MED10: variants seen among roughly 807,000 people sequenced by gnomAD.
MED10 encodes the protein mediator complex subunit 10.
A neutral mutation model predicts 17.2 loss-of-function variants in MED10; 9 were observed. The ratio of observed to expected loss-of-function variants is 0.52; its 90% confidence interval spans 0.31 to 0.91. The LOEUF (loss-of-function observed/expected upper bound fraction) is 0.91. MED10 is among the 40% of genes least tolerant of loss of function. MED10 has a pLI of 0.04. For missense variants in MED10, 129 were observed against 164.8 expected (o/e 0.78, Z 1.19); for synonymous variants, 66 against 59.8 (o/e 1.10, Z -0.48).
intron 1 of MED10, among the ~76,000 whole-genome samples, chr5:6,378,082 T>G (rs1012890184): frequency 2.0e-5 from 3 of 152,202 alleles, no homozygotes; most frequent in Non-Finnish European, 4.4e-5. Flanking sequence ...AGAGAAAGCA[T>G]GATTCCCTTG....
chr5:6,378,292 C>G, intron 1 of MED10, 70 bp downstream of exon 1: 1 of 1,473,900 alleles, frequency 6.8e-7, no homozygotes. Flanking sequence ...TCCCTAGATC[C>G]CCGCTCCCCT....
rs1560906181 is a variant in MED10, at chr5:6,378,500, C to CCACCCACACA, written c.-18_-17insTGTGTGGGTG. 1 of 1,608,892 alleles carries CCACCCACACA rather than the reference C, an allele frequency of 6.2e-7. No individual in the cohort carries two copies. Among genetic ancestry groups the CCACCCACACA allele is most frequent in the East Asian group, 2.2e-5 (1 of 44,714 alleles). On this transcript the variant is annotated 5_prime_UTR_variant, in exon 1 of 4. Coordinates refer to ENST00000255764, the MANE Select transcript of MED10 (RefSeq NM_032286.3). ...CTCCGCCATCGCCTCGGCCCGTCCC[C>CCACCCACACA]GACCCACACAGCCTCAACCAGCAGC...
Position 6,374,310 on chromosome 5 carries a change from C to G in MED10, c.309+14G>C, listed in dbSNP as rs577473075. On this transcript the variant is annotated intron_variant, in intron 3 of 3. Transcript: ENST00000255764. Reference sequence around the variant, plus strand: ...CTCTTCCCACTGTATTTCTGACACTCCTTAGAGTCTTACCTTCATGGTGTC... The same window carrying G: ...CTCTTCCCACTGTATTTCTGACACTGCTTAGAGTCTTACCTTCATGGTGTC... 1 of 1,581,526 alleles carries G rather than the reference C, an allele frequency of 6.3e-7. No homozygotes were observed. Among genetic ancestry groups the G allele is most frequent in the South Asian group, 1.1e-5 (1 of 90,472 alleles).
Position 6,378,378 on chromosome 5 carries a change from C to T in MED10, c.106G>A (p.Gly36Arg), listed in dbSNP as rs777875288. The change falls in exon 1 of 4, where the codon GGG becomes AGG. Residue 36 changes from glycine to arginine, a missense_variant. Gly to Arg is a moderately radical substitution (Grantham distance 125, BLOSUM62 -2). Coordinates refer to ENST00000255764, the MANE Select transcript of MED10 (RefSeq NM_032286.3). The part of the protein sequence containing the change: ...VSDFQPSSQA[G>R]LNQKLNFIVT... The stretch of plus-strand genomic sequence containing the variant: ...GCCACTCACAGCTTTTGGTTGAGCC[C>T]GGCCTGGCTGCTGGGCTGGAAGTCA... 1.9e-6 allele frequency: 3 copies of T among 1,611,436 alleles called. No homozygotes were observed. The Admixed American group carries it at 5.0e-5, about 27-fold the overall frequency.
At chr5:6,374,962 C>T (rs868852994) in intron 2 of MED10, among the ~76,000 whole-genome samples, 2 of 152,034 alleles carry the variant, frequency 1.3e-5, no homozygotes, top group Admixed American at 1.3e-4. Flanking sequence ...GCACAAGAGC[C>T]CCAGCCCTGA....
In MED10 at chr5:6,378,456, C is replaced by A; in HGVS notation, c.28G>T (p.Glu10Ter). 6.2e-7 allele frequency: 1 copy of A among 1,613,390 alleles called. No homozygotes were observed. Among genetic ancestry groups the A allele is most frequent in the Non-Finnish European group, 8.5e-7 (1 of 1,179,672 alleles). Residue 10 changes from glutamate (E) to a stop codon, truncating the protein, a stop_gained, in exon 1 of 4, where the codon GAG becomes TAG. Coordinates refer to ENST00000255764, the MANE Select transcript of MED10 (RefSeq NM_032286.3). LOFTEE classifies it high-confidence loss of function. ...TTCTCCACGAACTTCTCCAGGTGCTCCTCTAGGTGGTCAAACTTCTCCGCC... is the reference window on the plus strand; with the variant it reads ...TTCTCCACGAACTTCTCCAGGTGCTACTCTAGGTGGTCAAACTTCTCCGCC... MAEKFDHLE[E>*]HLEKFVENIR... is the part of the protein sequence containing the mutation.
In MED10 at chr5:6,374,521, A is replaced by G. The variant is rs774562576; in HGVS notation, c.207-95T>C. On this transcript the variant is annotated intron_variant, in intron 2 of 3. Coordinates refer to ENST00000255764, the MANE Select transcript of MED10 (RefSeq NM_032286.3). ...ATGGGGGAATAAAGGTTAGGTATAT[A>G]TAACTGCACACGGCCTTGTTTAGAC... The G allele has an allele frequency of 1.0e-4, 86 of 858,970 alleles. 1 individual carries two copies. The South Asian group carries it at 1.1e-3, about 11-fold the overall frequency. The allele number at this position is 858,970 out of a possible 1,614,324, so 53.2% of individuals were successfully genotyped here.
chr5:6,378,511 G>C lies in MED10; in HGVS notation c.-28C>G, dbSNP rs368585069. ...CCTCGGCCCGTCCCCGACCCACACAGCCTCAACCAGCAGCGCCGCAGGCGT... is the reference window on the plus strand; with the variant it reads ...CCTCGGCCCGTCCCCGACCCACACACCCTCAACCAGCAGCGCCGCAGGCGT... On this transcript the variant is annotated 5_prime_UTR_variant, in exon 1 of 4. Transcript: ENST00000255764. 2.5e-6 allele frequency: 4 copies of C among 1,597,632 alleles called. No homozygotes were observed. Among genetic ancestry groups the C allele is most frequent in the Admixed American group, 1.7e-5 (1 of 58,376 alleles).
chr5:6,373,927 T>G (rs1373156418), intron 3 of MED10, among the ~76,000 whole-genome samples: 1 of 152,148 alleles, frequency 6.6e-6, no homozygotes, highest in Non-Finnish European at 1.5e-5. Flanking sequence ...GGTCAGAAGC[T>G]GGACAAAGAG....
In MED10 at chr5:6,374,310, C is replaced by CCAA. The variant is rs764999298; in HGVS notation, c.309+13_309+14insTTG. The stretch of plus-strand genomic sequence containing the variant: ...CTCTTCCCACTGTATTTCTGACACT[C>CCAA]CTTAGAGTCTTACCTTCATGGTGTC... On this transcript the variant is annotated intron_variant, in intron 3 of 3. Coordinates refer to ENST00000255764, the MANE Select transcript of MED10 (RefSeq NM_032286.3). 4.4e-6 allele frequency: 7 copies of CCAA among 1,581,526 alleles called. No individual in the cohort carries two copies. In the South Asian group the frequency reaches 7.7e-5, roughly 17 times the overall value.
intron 2 of MED10, 89 bp from the exon 3 acceptor site, chr5:6,374,515 G>C (rs1737953671): frequency 1.1e-6 from 1 of 950,384 alleles, no homozygotes; most frequent in Admixed American, 1.7e-5. Flanking sequence ...TAAAGGTTAG[G>C]TATATATAAC....
At chr5:6,375,214 C>T (rs1398944319) in intron 2 of MED10, among the ~76,000 whole-genome samples, 1 of 152,148 alleles carries the variant, frequency 6.6e-6, no homozygotes, top group East Asian at 1.9e-4. Context: ...TTACCAAGAG[C>T]AGGCCACCTA....
At chr5:6,375,737 C>T (rs927622948) in intron 2 of MED10, among the ~76,000 whole-genome samples, 13 of 152,176 alleles carry the variant, frequency 8.5e-5, no homozygotes, top group Admixed American at 2.0e-4. Flanking sequence ...AAAATGTACA[C>T]GCTGCAAAGG....
chr5:6,372,533 G>T lies in MED10; in HGVS notation c.378C>A (p.Ser126Arg), dbSNP rs1301705917. 62 of 1,614,078 alleles carry T rather than the reference G, an allele frequency of 3.8e-5. No homozygotes were observed. Among genetic ancestry groups the T allele is most frequent in the Non-Finnish European group, 5.1e-5 (60 of 1,180,036 alleles). ...VFPEDMAKYR[S>R]IRGEDHPPS ...AAGGCGGGTGATCCTCCCCCCGGAT[G>T]CTTCGATACTTAGCCATGTCTTCCG... Residue 126 changes from serine to arginine, a missense_variant, in exon 4 of 4, where the codon AGC becomes AGA. Transcript: ENST00000255764.
rs573499870 is a variant in MED10 at position 6,374,488 on chromosome 5, T to C, written c.207-62A>G. The C allele has an allele frequency of 2.9e-5, 35 of 1,193,248 alleles. No individual in the cohort carries two copies. In the African/African-American group the frequency reaches 5.1e-4, roughly 17 times the overall value. The allele number at this position is 1,193,248 out of a possible 1,614,324, so 73.9% of individuals were successfully genotyped here. ...ACTGACACCTATTCTCACAGCTTTC[T>C]GAAAGGTATGGGGGAATAAAGGTTA... On this transcript the variant is annotated intron_variant, in intron 2 of 3. Transcript: ENST00000255764.
chr5:6,374,437 G>A lies in MED10; in HGVS notation c.207-11C>T, dbSNP rs201502289. On this transcript the variant is annotated splice_polypyrimidine_tract_variant and intron_variant, in intron 2 of 3. Transcript: ENST00000255764. ...CCTTGATCTATATATCTGGAAACAC[G>A]ATATATTTCAATTAGCATTCTCATG... 176 of 1,557,376 alleles carry A rather than the reference G, an allele frequency of 1.1e-4. No individual in the cohort carries two copies. The highest frequency in any genetic ancestry group is 1.0e-3 in the Middle Eastern group (6 of 5,954).
At chr5:6,377,288 C>T in intron 1 of MED10, 39 bp from the exon 2 acceptor site, 3 of 1,506,446 alleles carry the variant, frequency 2.0e-6, no homozygotes, top group Non-Finnish European at 2.7e-6. Flanking sequence ...TGGTTAATTT[C>T]GCTTGACAGC....
chr5:6,374,528 C>A, intron 2 of MED10, 102 bp from the exon 3 acceptor site: 1 of 812,914 alleles, frequency 1.2e-6, no homozygotes, highest in Non-Finnish European at 2.1e-6. Context: ...TATATAACTG[C>A]ACACGGCCTT....
chr5:6,374,035 C>T (rs1332950839), intron 3 of MED10, among the ~76,000 whole-genome samples: 1 of 152,102 alleles, frequency 6.6e-6, no homozygotes, highest in African/African-American at 2.4e-5. Flanking sequence ...AGTATCAATG[C>T]AATAAAAGTG....
Sources: gnomAD v4.1 joint callset for allele counts (sites outside exome capture counted in the v4.1 genomes callset) on GRCh38, gnomAD v4.1.1 for gene constraint, MANE v1.5 for transcripts, NCBI Gene and HGNC (gene_info 2026-07-23, HGNC 2026-07-21) for gene names.